The following RNF150 variants were observed in gnomAD, a reference collection of about 807,000 sequenced individuals.
RNF150 encodes ring finger protein 150.
RNF150 carries 24 observed loss-of-function variants against 39.3 expected under a neutral mutation model. The observed-to-expected ratio is 0.61, with a 90% confidence interval of 0.44 to 0.86. The LOEUF (loss-of-function observed/expected upper bound fraction) is 0.86. Ranked by LOEUF, RNF150 falls within the 40% of genes least tolerant of loss-of-function variation. RNF150 has a pLI of 0.00. For missense variants in RNF150, 502 were observed against 587.8 expected (o/e 0.85, Z 1.51); for synonymous variants, 255 against 227.3 (o/e 1.12, Z -1.10).
intron 1 of RNF150, among the ~76,000 whole-genome samples, chr4:141,064,024 T>C (rs1350895104): frequency 6.8e-6 from 1 of 147,902 alleles, no homozygotes; most frequent in Non-Finnish European, 1.5e-5. Flanking sequence ...GATGGCTTCA[T>C]AAACAGATTT....
chr4:141,072,386 G>A (rs192746132), intron 1 of RNF150, among the ~76,000 whole-genome samples: 1 of 152,290 alleles, frequency 6.6e-6, no homozygotes, highest in Admixed American at 6.5e-5. Flanking sequence ...TAGTAGAGAC[G>A]TACAGAGTAC....
At chr4:141,200,363 T>C (rs993184515) in intron 1 of RNF150, among the ~76,000 whole-genome samples, 1 of 152,096 alleles carries the variant, frequency 6.6e-6, no homozygotes, top group Admixed American at 6.5e-5. Context: ...TACCTCCTAA[T>C]ACTATCACAT....
At chr4:140,994,886 T>A (rs1734313887) in intron 1 of RNF150, among the ~76,000 whole-genome samples, 2 of 152,190 alleles carry the variant, frequency 1.3e-5, no homozygotes, top group Non-Finnish European at 2.9e-5. Context: ...ATTTATGAGG[T>A]ACATGAGGTA....
intron 1 of RNF150, among the ~76,000 whole-genome samples, chr4:141,094,532 T>C (rs1738704030): frequency 6.6e-6 from 1 of 152,288 alleles, no homozygotes; most frequent in Non-Finnish European, 1.5e-5. Context: ...CTTATTTTGT[T>C]GTTACCGTGG....
At chr4:140,877,260 A>G (rs1729191439) in intron 6 of RNF150, among the ~76,000 whole-genome samples, 1 of 152,178 alleles carries the variant, frequency 6.6e-6, no homozygotes, top group Non-Finnish European at 1.5e-5. Context: ...CATTAGTTTT[A>G]CATTTGTTTT....
intron 6 of RNF150, among the ~76,000 whole-genome samples, chr4:140,889,450 A>G (rs1193099363): frequency 1.3e-5 from 2 of 152,148 alleles, no homozygotes; most frequent in Admixed American, 1.3e-4. Flanking sequence ...TCATTACTTT[A>G]TGTGATGTTT....
chr4:140,935,657 A>C (rs1393577284), intron 4 of RNF150, among the ~76,000 whole-genome samples: 1 of 152,238 alleles, frequency 6.6e-6, no homozygotes, highest in Non-Finnish European at 1.5e-5. Context: ...GTAATCAAAG[A>C]AAAACGATAA....
chr4:141,104,705 C>T (rs1296097573), intron 1 of RNF150, among the ~76,000 whole-genome samples: 3 of 152,246 alleles, frequency 2.0e-5, no homozygotes, highest in South Asian at 4.1e-4. Flanking sequence ...CTTCCTTTTG[C>T]CAGAAAAATA....
intron 6 of RNF150, among the ~76,000 whole-genome samples, chr4:140,895,092 G>A (rs897577457): frequency 6.6e-6 from 1 of 152,104 alleles, no homozygotes; most frequent in Non-Finnish European, 1.5e-5. Flanking sequence ...TAGAGACTAA[G>A]TCCCAGGTCC....
intron 1 of RNF150, among the ~76,000 whole-genome samples, chr4:141,023,536 G>A (rs542696148): frequency 2.7e-4 from 39 of 145,808 alleles, no homozygotes; most frequent in African/African-American, 9.6e-4. Context: ...TTACAGGCGT[G>A]AGTCTCCGCA....
At chr4:141,191,180 A>G (rs1235039026) in intron 1 of RNF150, among the ~76,000 whole-genome samples, 1 of 152,184 alleles carries the variant, frequency 6.6e-6, no homozygotes, top group Non-Finnish European at 1.5e-5. Context: ...GTGACCGCTA[A>G]GTTAGGACTG....
intron 1 of RNF150, among the ~76,000 whole-genome samples, chr4:141,185,358 G>T (rs1387210698): frequency 6.6e-6 from 1 of 152,110 alleles, no homozygotes; most frequent in African/African-American, 2.4e-5. Context: ...ATGAATGCTT[G>T]TGATTTTTGC....
intron 1 of RNF150, among the ~76,000 whole-genome samples, chr4:141,151,342 C>T (rs1727292486): frequency 6.6e-6 from 1 of 151,244 alleles, no homozygotes; most frequent in South Asian, 2.1e-4. Flanking sequence ...ACCCTGTAAT[C>T]CCAGGGACTC....
chr4:141,170,060 GA>G (rs1207073406), intron 1 of RNF150, among the ~76,000 whole-genome samples: 1 of 152,104 alleles, frequency 6.6e-6, no homozygotes, highest in Non-Finnish European at 1.5e-5. Context: ...TAGATTTAGG[GA>G]TGGCTCACTG....
intron 1 of RNF150, among the ~76,000 whole-genome samples, chr4:141,192,204 A>G (rs145719660): frequency 4.5e-4 from 68 of 152,268 alleles, no homozygotes; most frequent in African/African-American, 1.5e-3. Flanking sequence ...GAAAAGGAAA[A>G]TTAATTTGAT....
intron 6 of RNF150, among the ~76,000 whole-genome samples, chr4:140,893,106 T>C (rs1005442936): frequency 1.1e-4 from 16 of 152,114 alleles, no homozygotes; most frequent in African/African-American, 3.1e-4. Context: ...GTTGCCACCA[T>C]GACCACCCCC....
intron 1 of RNF150, among the ~76,000 whole-genome samples, chr4:141,196,215 C>G (rs957940850): frequency 2.0e-5 from 3 of 152,160 alleles, no homozygotes; most frequent in Non-Finnish European, 4.4e-5. Flanking sequence ...GCAGTTCTTA[C>G]TCTTTCTTCT....
At chr4:141,149,381 GC>G (rs35162205) in intron 1 of RNF150, among the ~76,000 whole-genome samples, 77,491 of 151,540 alleles carry the variant, frequency 0.51, 20,179 homozygotes, top group East Asian at 0.81. Flanking sequence ...CTTATCTCTT[GC>G]CCCCCTCCCA....
chr4:141,206,887 T>G (rs1290628864), intron 1 of RNF150, among the ~76,000 whole-genome samples: 3 of 151,984 alleles, frequency 2.0e-5, no homozygotes, highest in Non-Finnish European at 1.5e-5. Flanking sequence ...CTTTAGTCTG[T>G]GATTGAAGGC....
Sources: allele counts gnomAD v4.1 joint callset (sites outside exome capture counted in the v4.1 genomes callset), GRCh38; gene constraint gnomAD v4.1.1; transcripts MANE v1.5; gene names NCBI Gene and HGNC (gene_info 2026-07-23, HGNC 2026-07-21).